The following DCDC1 variants were observed in gnomAD, a reference collection of about 807,000 sequenced individuals.
DCDC1 encodes doublecortin domain-containing protein 1.
Under a neutral mutation model 178.3 loss-of-function variants are expected in DCDC1, and 200 were observed. That is an observed-to-expected ratio of 1.12 (90% CI 1.00 to 1.26). The LOEUF is 1.26. DCDC1 is among the 50% of genes most tolerant of loss of function. DCDC1 has a pLI of 0.00. For missense variants in DCDC1, 1,983 were observed against 1,749.2 expected (o/e 1.13, Z -2.38); for synonymous variants, 690 against 604.8 (o/e 1.14, Z -2.07).
intron 17 of DCDC1, among the ~76,000 whole-genome samples, 193 bp from the exon 18 acceptor site, chr11:31,078,118 C>T (rs1381723381): frequency 1.3e-5 from 2 of 152,188 alleles, no homozygotes; most frequent in African/African-American, 4.8e-5. Context: ...TGCTACAATG[C>T]TCTGGTACCC....
At chr11:30,884,232 T>A (rs145053936) in intron 36 of DCDC1, among the ~76,000 whole-genome samples, 2,195 of 152,106 alleles carry the variant, frequency 0.014, 54 homozygotes, top group African/African-American at 0.051. Context: ...GGTTTCACCA[T>A]GTTGCCCAGG....
At chr11:31,119,360 T>G (rs1201495037) in intron 11 of DCDC1, among the ~76,000 whole-genome samples, 1 of 152,212 alleles carries the variant, frequency 6.6e-6, no homozygotes, top group African/African-American at 2.4e-5. Context: ...AAAGTTGGCA[T>G]GTTTTACTAA....
Position 31,328,137 on chromosome 11 carries a change from A to G in DCDC1, c.144T>C (p.Tyr48=), listed in dbSNP as rs981481259. The change falls in exon 3 of 39, where the codon TAT becomes TAC. Residue 48 remains tyrosine, a synonymous_variant. Coordinates refer to ENST00000684477, the MANE Select transcript of DCDC1 (RefSeq NM_001387274.1). ...DGNTVNPIYK[Y]ILNDLPREFM... Reference sequence around the variant, plus strand: ...CTTACCTTGGTAAATCATTCAAAATATATTTGTAAATTGGGTTTACAGTAT... The same window carrying G: ...CTTACCTTGGTAAATCATTCAAAATGTATTTGTAAATTGGGTTTACAGTAT... 12 of 1,605,862 alleles carry G rather than the reference A, an allele frequency of 7.5e-6. No homozygotes were observed. The highest frequency in any genetic ancestry group is 1.1e-5 in the South Asian group (1 of 89,792).
chr11:31,138,155 ATTGT>A (rs1963387887), intron 9 of DCDC1, among the ~76,000 whole-genome samples: 1 of 152,200 alleles, frequency 6.6e-6, no homozygotes, highest in Admixed American at 6.5e-5. Context: ...TAGGGAGTAA[ATTGT>A]TTGCTGTTAT....
intron 20 of DCDC1, among the ~76,000 whole-genome samples, chr11:30,965,243 G>A (rs756125777): frequency 1.5e-4 from 23 of 152,182 alleles, no homozygotes; most frequent in Non-Finnish European, 3.1e-4. Context: ...CCAGAGCCTT[G>A]AACTTGTTCT....
chr11:31,266,048 A>T (rs1371760234), intron 7 of DCDC1, among the ~76,000 whole-genome samples: 2 of 151,876 alleles, frequency 1.3e-5, no homozygotes, highest in African/African-American at 4.8e-5. Context: ...ATTACCATTT[A>T]AATTAGATTT....
intron 20 of DCDC1, among the ~76,000 whole-genome samples, chr11:30,972,440 C>G (rs1368881054): frequency 1.3e-5 from 2 of 152,072 alleles, no homozygotes; most frequent in African/African-American, 4.8e-5. Context: ...TTTGTTATCA[C>G]TAGACCAGCC....
chr11:31,000,150 T>C (rs1951491533), intron 20 of DCDC1, among the ~76,000 whole-genome samples: 1 of 152,180 alleles, frequency 6.6e-6, no homozygotes, highest in South Asian at 2.1e-4. Flanking sequence ...TAATGAATCT[T>C]CCTTCAGACA....
chr11:30,900,636 C>T (rs1292614878), intron 32 of DCDC1, 138 bp from the exon 33 acceptor site: 1 of 812,580 alleles, frequency 1.2e-6, no homozygotes, highest in African/African-American at 1.8e-5. Context: ...AAATCAGAGA[C>T]TAATGCATAA....
intron 36 of DCDC1, among the ~76,000 whole-genome samples, chr11:30,892,480 T>C (rs1408837809): frequency 3.3e-5 from 5 of 151,910 alleles, no homozygotes; most frequent in African/African-American, 1.2e-4. Context: ...CTCAAATAAA[T>C]AAATAATGTA....
intron 26 of DCDC1, among the ~76,000 whole-genome samples, chr11:30,916,006 A>G (rs910179491): frequency 2.0e-5 from 3 of 152,220 alleles, no homozygotes; most frequent in Admixed American, 6.5e-5. Flanking sequence ...AAGGTAATTT[A>G]AAGAGGAAAA....
chr11:31,194,197 T>G (rs1004408975), intron 9 of DCDC1, among the ~76,000 whole-genome samples: 3 of 152,142 alleles, frequency 2.0e-5, no homozygotes, highest in Non-Finnish European at 4.4e-5. Flanking sequence ...TTGCTTCTGA[T>G]TCAGTGTTTA....
At chr11:31,238,414 T>A (rs541880785) in intron 9 of DCDC1, among the ~76,000 whole-genome samples, 1 of 152,270 alleles carries the variant, frequency 6.6e-6, no homozygotes, top group South Asian at 2.1e-4. Flanking sequence ...TAAAAGGTAG[T>A]GCAGCCTTGT....
At chr11:30,935,019 T>C (rs1947185943) in intron 21 of DCDC1, among the ~76,000 whole-genome samples, 1 of 152,180 alleles carries the variant, frequency 6.6e-6, no homozygotes. Context: ...GGGTAAACTT[T>C]CCCTGTGTTG....
At chr11:31,107,296 G>A (rs1379527738) in intron 12 of DCDC1, among the ~76,000 whole-genome samples, 2 of 152,100 alleles carry the variant, frequency 1.3e-5, no homozygotes, top group Admixed American at 6.6e-5. Context: ...TAAGGGTTAC[G>A]CTTTTCTTGT....
chr11:31,353,194 G>T (rs951966970), intron 1 of DCDC1, among the ~76,000 whole-genome samples: 3 of 152,162 alleles, frequency 2.0e-5, no homozygotes, highest in Non-Finnish European at 4.4e-5. Flanking sequence ...ATCTCGGCAA[G>T]GTCTTCTTGA....
chr11:30,948,680 G>A (rs1948216125), intron 21 of DCDC1, among the ~76,000 whole-genome samples: 1 of 152,074 alleles, frequency 6.6e-6, no homozygotes, highest in Admixed American at 6.6e-5. Context: ...GAACAGAACG[G>A]AGGCCTCAGA....
intron 20 of DCDC1, among the ~76,000 whole-genome samples, chr11:31,008,512 T>G (rs935267776): frequency 1.3e-5 from 2 of 152,222 alleles, no homozygotes; most frequent in African/African-American, 4.8e-5. Flanking sequence ...GTTTCAGAGC[T>G]GCTACAGGTG....
chr11:31,199,963 T>C (rs1344164924), intron 9 of DCDC1, among the ~76,000 whole-genome samples: 1 of 152,168 alleles, frequency 6.6e-6, no homozygotes, highest in Non-Finnish European at 1.5e-5. Context: ...TGACTACTTT[T>C]ATATAGAGTT....
Sources: gnomAD v4.1 joint callset for allele counts (sites outside exome capture counted in the v4.1 genomes callset) on GRCh38, gnomAD v4.1.1 for gene constraint, MANE v1.5 for transcripts, NCBI Gene and HGNC (gene_info 2026-07-23, HGNC 2026-07-21) for gene names.